CAB39: variants seen among roughly 807,000 people sequenced by gnomAD.
CAB39 encodes calcium-binding protein 39.
In CAB39, 8 loss-of-function variants were observed where a neutral mutation model predicts 40.0. The ratio of observed to expected loss-of-function variants is 0.20; its 90% confidence interval spans 0.12 to 0.36. CAB39 has a LOEUF of 0.36. Ranked by LOEUF, CAB39 falls within the 10% of genes least tolerant of loss-of-function variation. The pLI is 1.00. For missense variants in CAB39, 270 were observed against 401.1 expected (o/e 0.67, Z 2.79); for synonymous variants, 156 against 141.6 (o/e 1.10, Z -0.72).
chr2:230,744,166 G>C (rs1024355753), intron 1 of CAB39, among the ~76,000 whole-genome samples: 1 of 152,026 alleles, frequency 6.6e-6, no homozygotes. Context: ...TGATCCACCT[G>C]CCTTGGCCTC....
At chr2:230,803,799 A>G (rs1473486045) in intron 5 of CAB39, among the ~76,000 whole-genome samples, 3 of 152,394 alleles carry the variant, frequency 2.0e-5, no homozygotes, top group South Asian at 2.1e-4. Context: ...GGAAGAATCA[A>G]TATCATGAAA....
intron 1 of CAB39, among the ~76,000 whole-genome samples, chr2:230,718,509 G>A (rs1694391491): frequency 6.6e-6 from 1 of 152,196 alleles, no homozygotes; most frequent in South Asian, 2.1e-4. Context: ...CAGCCAGACT[G>A]CCTAGATTTT....
At chr2:230,742,044 A>G (rs1354703215) in intron 1 of CAB39, among the ~76,000 whole-genome samples, 1 of 152,238 alleles carries the variant, frequency 6.6e-6, no homozygotes, top group Non-Finnish European at 1.5e-5. Context: ...TAAATGTTAG[A>G]TATCTATAAA....
At chr2:230,717,221 G>T (rs1160340895) in intron 1 of CAB39, among the ~76,000 whole-genome samples, 1 of 151,994 alleles carries the variant, frequency 6.6e-6, no homozygotes, top group African/African-American at 2.4e-5. Flanking sequence ...TGAATCTCTG[G>T]GTTAAATTAC....
At chr2:230,814,247 T>A in intron 7 of CAB39, 133 bp downstream of exon 7, 1 of 558,520 alleles carries the variant, frequency 1.8e-6, no homozygotes, top group Non-Finnish European at 3.2e-6. Flanking sequence ...GGGTCAAGAT[T>A]TTTGCGGAAA....
chr2:230,729,744 A>G (rs1216920045), intron 1 of CAB39, among the ~76,000 whole-genome samples: 4 of 136,376 alleles, frequency 2.9e-5, no homozygotes, highest in Middle Eastern at 3.8e-3. Flanking sequence ...TGTCTTAAGG[A>G]AAAAAAAAAA....
At chr2:230,800,481 A>G (rs560686698) in intron 5 of CAB39, among the ~76,000 whole-genome samples, 6 of 152,242 alleles carry the variant, frequency 3.9e-5, no homozygotes, top group Non-Finnish European at 4.4e-5. Flanking sequence ...AGAGTGATCA[A>G]TATGATGTCT....
intron 5 of CAB39, among the ~76,000 whole-genome samples, chr2:230,800,193 T>C (rs1696064236): frequency 1.3e-5 from 2 of 152,118 alleles, no homozygotes; most frequent in African/African-American, 4.8e-5. Context: ...GCACACACTT[T>C]GGTCTCTGGG....
chr2:230,799,922 G>A (rs530426984), intron 5 of CAB39, among the ~76,000 whole-genome samples: 7 of 151,848 alleles, frequency 4.6e-5, no homozygotes, highest in South Asian at 2.1e-4. Flanking sequence ...CCCAGGAGAC[G>A]GAGGTTGTGG....
At chr2:230,760,726 A>G (rs750104656) in intron 2 of CAB39, among the ~76,000 whole-genome samples, 3 of 152,122 alleles carry the variant, frequency 2.0e-5, no homozygotes, top group Non-Finnish European at 4.4e-5. Flanking sequence ...CTACCCAGTC[A>G]CCACAGTCCA....
intron 1 of CAB39, among the ~76,000 whole-genome samples, chr2:230,733,507 C>T (rs981807796): frequency 6.6e-6 from 1 of 152,174 alleles, no homozygotes; most frequent in African/African-American, 2.4e-5. Context: ...GTTAGCACTT[C>T]TGGCTCTAAA....
At chr2:230,725,918 T>G (rs1212826615) in intron 1 of CAB39, among the ~76,000 whole-genome samples, 1 of 152,190 alleles carries the variant, frequency 6.6e-6, no homozygotes, top group Non-Finnish European at 1.5e-5. Flanking sequence ...CTGCACTTGA[T>G]GTTGATTGCC....
At chr2:230,746,603 G>A (rs985904577) in intron 1 of CAB39, among the ~76,000 whole-genome samples, 1 of 152,162 alleles carries the variant, frequency 6.6e-6, no homozygotes, top group Non-Finnish European at 1.5e-5. Flanking sequence ...GAGTTGCTCA[G>A]CAAAGGTGTG....
At chr2:230,787,443 G>T (rs1341207067) in intron 2 of CAB39, among the ~76,000 whole-genome samples, 4 of 152,184 alleles carry the variant, frequency 2.6e-5, no homozygotes, top group Non-Finnish European at 4.4e-5. Context: ...CAGAGTTACT[G>T]CCATAATCTT....
intron 1 of CAB39, among the ~76,000 whole-genome samples, chr2:230,738,704 T>C (rs1694827572): frequency 6.6e-6 from 1 of 152,210 alleles, no homozygotes; most frequent in Non-Finnish European, 1.5e-5. Flanking sequence ...CCTTCCAATC[T>C]CCTACTATGG....
chr2:230,796,360 T>C (rs1182248917), intron 4 of CAB39, among the ~76,000 whole-genome samples: 1 of 152,170 alleles, frequency 6.6e-6, no homozygotes, highest in Non-Finnish European at 1.5e-5. Context: ...TTTTTTTTAC[T>C]GGCAATTTAC....
At chr2:230,768,265 G>A (rs1467922299) in intron 2 of CAB39, among the ~76,000 whole-genome samples, 1 of 152,120 alleles carries the variant, frequency 6.6e-6, no homozygotes, top group Non-Finnish European at 1.5e-5. Context: ...TATGTTCTCT[G>A]GATTCTGTGA....
intron 1 of CAB39, among the ~76,000 whole-genome samples, chr2:230,740,745 G>A (rs918599156): frequency 2.6e-5 from 4 of 152,170 alleles, no homozygotes; most frequent in African/African-American, 9.7e-5. Context: ...AGGCAGTAAT[G>A]CTCTCTCACC....
intron 2 of CAB39, among the ~76,000 whole-genome samples, chr2:230,777,775 A>C (rs1695620174): frequency 6.6e-6 from 1 of 152,170 alleles, no homozygotes; most frequent in South Asian, 2.1e-4. Flanking sequence ...AAACTAGTTC[A>C]GTGGGATAAC....
Sources: allele counts gnomAD v4.1 joint callset (sites outside exome capture counted in the v4.1 genomes callset), GRCh38; gene constraint gnomAD v4.1.1; transcripts MANE v1.5; gene names NCBI Gene and HGNC (gene_info 2026-07-23, HGNC 2026-07-21).